EPM2A: variants seen among roughly 807,000 people sequenced by gnomAD.
EPM2A encodes EPM2A glucan phosphatase, laforin.
EPM2A carries 21 observed loss-of-function variants against 26.5 expected under a neutral mutation model. The ratio of observed to expected loss-of-function variants is 0.79; its 90% CI spans 0.56 to 1.14. The LOEUF is 1.14. Among genes scored for constraint, EPM2A ranks in the 50% most tolerant of loss-of-function variants. The pLI is 0.00. For missense variants in EPM2A, 458 were observed against 440.8 expected, an observed-to-expected ratio of 1.04 and a Z score of -0.35; for synonymous variants, 217 against 177.6, an observed-to-expected ratio of 1.22 and a Z score of -1.76.
At chr6:145,687,910 C>T (rs555008589) in intron 1 of EPM2A, among the ~76,000 whole-genome samples, 23 of 152,104 alleles carry the variant, frequency 1.5e-4, no homozygotes, top group African/African-American at 5.1e-4. Context: ...TAGATAAAAA[C>T]CAAACTACAC....
intron 1 of EPM2A, among the ~76,000 whole-genome samples, chr6:145,706,644 A>G (rs1041236957): frequency 6.6e-6 from 1 of 152,210 alleles, no homozygotes; most frequent in African/African-American, 2.4e-5. Flanking sequence ...CAGACAACAC[A>G]TAGAGATTAA....
chr6:145,677,441 G>A (rs1433698666), intron 2 of EPM2A, among the ~76,000 whole-genome samples: 1 of 152,108 alleles, frequency 6.6e-6, no homozygotes, highest in Non-Finnish European at 1.5e-5. Context: ...AGGACAATCA[G>A]GCAAGAGAAA....
chr6:145,691,077 G>C (rs1034641709), intron 1 of EPM2A, among the ~76,000 whole-genome samples: 2 of 151,794 alleles, frequency 1.3e-5, no homozygotes, highest in South Asian at 4.2e-4. Context: ...AAGATAGTAG[G>C]GCTTAAAAGT....
At chr6:145,614,942 T>C (rs150330699) in intron 2 of EPM2A, among the ~76,000 whole-genome samples, 130 of 152,330 alleles carry the variant, frequency 8.5e-4, no homozygotes, top group African/African-American at 2.8e-3. Flanking sequence ...CTTTAATTTA[T>C]AGAAAACACA....
At chr6:145,403,131 G>A (rs979328235) in intron 4 of EPM2A, among the ~76,000 whole-genome samples, 3 of 151,876 alleles carry the variant, frequency 2.0e-5, no homozygotes, top group East Asian at 1.9e-4. Context: ...ATATATTCAC[G>A]GGGTACAGGA....
At chr6:145,574,453 T>C (rs1781001724) in intron 2 of EPM2A, among the ~76,000 whole-genome samples, 1 of 152,180 alleles carries the variant, frequency 6.6e-6, no homozygotes, top group Non-Finnish European at 1.5e-5. Context: ...TGTATTTCAA[T>C]TTTGTAGTTG....
intron 4 of EPM2A, among the ~76,000 whole-genome samples, chr6:145,390,775 C>T (rs1778327016): frequency 6.6e-6 from 1 of 152,102 alleles, no homozygotes; most frequent in Admixed American, 6.6e-5. Context: ...AGTTTCTCTG[C>T]TTGCTTGTCA....
rs773315475 is a variant in EPM2A at position 145,627,476 on chromosome 6, C to T, written c.936G>A (p.Arg312=). 9.3e-6 allele frequency: 15 copies of T among 1,614,230 alleles called. No homozygotes were observed. In the Admixed American group the frequency reaches 2.2e-4, roughly 23 times the overall value. Residue 312 remains arginine (R), a synonymous_variant, in exon 4 of 4, where the codon CGG becomes CGA. Transcript: ENST00000367519. ...ATTTCTGGAAAAAATCTTCTTGTGC[C>T]CGGGCCAAGGCCTCTTCGTCAATGT... is the stretch of plus-strand genomic sequence containing the variant. ...AVYIDEEALA[R]AQEDFFQKFG...
chr6:145,639,551 T>C (rs374739009), intron 2 of EPM2A: 1 of 152,240 alleles, frequency 6.6e-6, no homozygotes, highest in East Asian at 1.9e-4. Flanking sequence ...TCCATATGCA[T>C]GTAAGAGAAG....
chr6:145,496,728 A>ATGTTTTTTTGTTTTTTTTTTTTTTT (rs779194973), downstream of EPM2A, among the ~76,000 whole-genome samples: 3 of 106,906 alleles, frequency 2.8e-5, no homozygotes, highest in Non-Finnish European at 5.9e-5. Context: ...AGTTCCTGCA[A>ATGTTTTTTTGTTTTTTTTTTTTTTT]TTTTTTTTTT....
At position 145,590,834 on chromosome 6, in the gene EPM2A, A is replaced by G. The variant is rs528970119; in HGVS notation, c.340+44411T>C. ...TCAGCTTCAAAAAATCATAATAATA[A>G]CAGGCATACTAAAAGACAAATAAGA... is the stretch of plus-strand genomic sequence containing the variant. On this transcript the variant is annotated intron_variant, in intron 2 of 3. Transcript: ENST00000450221. Among the ~76,000 whole-genome samples the G allele has an allele frequency of 2.6e-5, 4 of 152,300 alleles. No individual in the cohort carries two copies. In the South Asian group the frequency reaches 8.3e-4, roughly 32 times the overall value.
intron 4 of EPM2A, among the ~76,000 whole-genome samples, chr6:145,481,882 T>A (rs1034271195): frequency 6.6e-6 from 1 of 151,762 alleles, no homozygotes; most frequent in Non-Finnish European, 1.5e-5. Context: ...TAAGGATAAT[T>A]TAGTGAAACC....
At chr6:145,469,939 G>A (rs1779451765) in intron 4 of EPM2A, among the ~76,000 whole-genome samples, 2 of 152,104 alleles carry the variant, frequency 1.3e-5, no homozygotes, top group South Asian at 4.1e-4. Flanking sequence ...AACTTTGCAT[G>A]TTCTCATGTA....
intron 4 of EPM2A, among the ~76,000 whole-genome samples, chr6:145,434,093 A>G (rs1051782628): frequency 1.8e-4 from 28 of 151,978 alleles, no homozygotes; most frequent in African/African-American, 6.5e-4. Context: ...TTCTAGATTG[A>G]CAGTTTTTTT....
Position 145,649,673 on chromosome 6 carries a change from T to C in EPM2A, c.477-14187A>G, listed in dbSNP as rs1777735562. 2.6e-5 allele frequency among the ~76,000 whole-genome samples: 4 copies of C among 152,206 alleles called. No individual in the cohort carries two copies. The South Asian group carries it at 8.3e-4, about 32-fold the overall frequency. ...CTGTGTCTTCGAGAGACCAGAAAAC[T>C]ATAGCTCATGGGCCAAATTCAGTCT... On this transcript the variant is annotated intron_variant, in intron 2 of 3. Transcript: ENST00000367519.
intron 2 of EPM2A, among the ~76,000 whole-genome samples, chr6:145,674,479 T>C (rs976207964): frequency 1.3e-5 from 2 of 152,020 alleles, no homozygotes; most frequent in Non-Finnish European, 2.9e-5. Context: ...AGGTCAGTAA[T>C]AACAAATTTG....
At chr6:145,652,955 T>G (rs1459750644) in intron 2 of EPM2A, among the ~76,000 whole-genome samples, 4 of 152,224 alleles carry the variant, frequency 2.6e-5, no homozygotes, top group Non-Finnish European at 5.9e-5. Context: ...AGATATTCCC[T>G]TTCCAAGTCT....
intron 4 of EPM2A, among the ~76,000 whole-genome samples, chr6:145,400,989 A>G (rs9376926): frequency 0.38 from 57,089 of 151,998 alleles, 10,987 homozygotes; most frequent in South Asian, 0.46. Context: ...TGAAAAAAAT[A>G]TTAGATTAAG....
In EPM2A at chr6:145,625,945, A is replaced by G. The variant is rs918099599; in HGVS notation, c.*1471T>C. On this transcript the variant is annotated 3_prime_UTR_variant, in exon 4 of 4. Transcript: ENST00000367519. The stretch of plus-strand genomic sequence containing the variant: ...AAAGTAAGGGCTTTGAATCAAACCC[A>G]GCTTTGTATCTCACTTCATCTATTT... The G allele has an allele frequency of 1.0e-5, 13 of 1,278,528 alleles. No individual in the cohort carries two copies. In the East Asian group the frequency reaches 2.6e-4, roughly 26 times the overall value. The allele number at this position is 1,278,528 out of a possible 1,614,324, so 79.2% of individuals were successfully genotyped here.
Sources: allele counts gnomAD v4.1 joint callset (sites outside exome capture counted in the v4.1 genomes callset), GRCh38; gene constraint gnomAD v4.1.1; transcripts MANE v1.5; gene names NCBI Gene and HGNC (gene_info 2026-07-23, HGNC 2026-07-21).